The following ATAD2B variants were observed in gnomAD, a reference collection of about 807,000 sequenced individuals.
The protein encoded by ATAD2B is ATPase family AAA domain containing 2B.
In ATAD2B, 40 loss-of-function variants were observed where a neutral mutation model predicts 167.6. The observed-to-expected ratio is 0.24, with a 90% CI of 0.19 to 0.31. The LOEUF is 0.31. ATAD2B is among the 10% of genes least tolerant of loss of function. The pLI, the probability that ATAD2B is intolerant of heterozygous loss-of-function variation, is 1.00. For synonymous variants in ATAD2B, 579 were observed against 596.5 expected (o/e 0.97, Z 0.43); for missense variants, 1,242 against 1,757.2 (o/e 0.71, Z 5.24).
At chr2:23,824,221 T>A (rs909194784) in intron 15 of ATAD2B, among the ~76,000 whole-genome samples, 1 of 152,124 alleles carries the variant, frequency 6.6e-6, no homozygotes, top group Non-Finnish European at 1.5e-5. Flanking sequence ...CTCAGCACCC[T>A]CAAGTGCTGG....
intron 13 of ATAD2B, among the ~76,000 whole-genome samples, chr2:23,836,594 C>A (rs1029736951): frequency 3.3e-5 from 5 of 152,176 alleles, no homozygotes; most frequent in African/African-American, 1.2e-4. Context: ...CGAAGAAGAG[C>A]TTTATTGAGT....
At chr2:23,889,682 G>A (rs1699191299) in intron 2 of ATAD2B, among the ~76,000 whole-genome samples, 1 of 151,910 alleles carries the variant, frequency 6.6e-6, no homozygotes, top group Non-Finnish European at 1.5e-5. Flanking sequence ...CACTTTGAGA[G>A]GCCGAGGCAG....
At chr2:23,723,097 GC>G in the ATAD2B span, among the ~76,000 whole-genome samples, 2 of 152,148 alleles carry the variant, frequency 1.3e-5, no homozygotes, top group Non-Finnish European at 2.9e-5. Flanking sequence ...TTTGAGACAA[GC>G]CTGGGCAACA....
chr2:23,778,264 C>T (rs1287333948), intron 22 of ATAD2B, among the ~76,000 whole-genome samples: 5 of 152,126 alleles, frequency 3.3e-5, no homozygotes, highest in South Asian at 4.1e-4. Context: ...TGTGGAACTG[C>T]ATTTTGTAGT....
At chr2:23,780,743 T>C (rs1679897677) in intron 22 of ATAD2B, among the ~76,000 whole-genome samples, 1 of 151,832 alleles carries the variant, frequency 6.6e-6, no homozygotes, top group Admixed American at 6.6e-5. Flanking sequence ...CTACTAAAAA[T>C]GCAAAAATTA....
intron 19 of ATAD2B, among the ~76,000 whole-genome samples, chr2:23,792,911 C>T (rs553394063): frequency 2.5e-5 from 3 of 121,168 alleles, no homozygotes; most frequent in African/African-American, 9.5e-5. Flanking sequence ...TGCAGTGAGC[C>T]GAGATTGTGC....
At chr2:23,813,696 G>A (rs1685988995) in intron 17 of ATAD2B, among the ~76,000 whole-genome samples, 1 of 152,102 alleles carries the variant, frequency 6.6e-6, no homozygotes, top group Admixed American at 6.6e-5. Context: ...AGTGAGCCAT[G>A]ATGGTGCCAC....
At chr2:23,701,772 C>T in the ATAD2B span, among the ~76,000 whole-genome samples, 9 of 148,064 alleles carry the variant, frequency 6.1e-5, no homozygotes, top group Admixed American at 2.0e-4. Flanking sequence ...CCTTTAGCTT[C>T]GCACACATGG....
At chr2:23,743,887 A>G (rs1293986274), downstream of ATAD2B, among the ~76,000 whole-genome samples, 1 of 152,130 alleles carries the variant, frequency 6.6e-6, no homozygotes, top group African/African-American at 2.4e-5. Flanking sequence ...CAGCCTCCCA[A>G]AATGCTGGGA....
chr2:23,915,655 G>C (rs1174937195), intron 1 of ATAD2B, among the ~76,000 whole-genome samples: 2 of 137,918 alleles, frequency 1.5e-5, no homozygotes, highest in African/African-American at 5.3e-5. Flanking sequence ...ACAGTGGCGC[G>C]ATCTCAGCTC....
chr2:23,854,206 C>T (rs1421940595), intron 13 of ATAD2B, among the ~76,000 whole-genome samples: 1 of 151,844 alleles, frequency 6.6e-6, no homozygotes, highest in Non-Finnish European at 1.5e-5. Context: ...GATCGCGCGA[C>T]TGCACTCCAG....
chr2:23,904,414 A>C (rs1156474636), intron 1 of ATAD2B, among the ~76,000 whole-genome samples: 8 of 152,158 alleles, frequency 5.3e-5, no homozygotes. Flanking sequence ...GGTGGAAAAC[A>C]CTAGGTGAAT....
At chr2:23,762,404 G>T in intron 23 of ATAD2B, 58 bp from the exon 24 acceptor site, 7 of 1,508,238 alleles carry the variant, frequency 4.6e-6, no homozygotes, top group East Asian at 2.4e-5. Flanking sequence ...TAAACCAAAA[G>T]GTTTTTAAAA....
chr2:23,757,502 G>C lies in ATAD2B; in HGVS notation c.3994C>G (p.Leu1332Val), dbSNP rs201513700. The change falls in exon 25 of 28, where the codon CTA (leucine) becomes GTA (valine). Residue 1332 changes from leucine to valine, a missense_variant. Leu to Val is a conservative substitution (Grantham distance 32, BLOSUM62 1). This residue lies in a region of ATAD2B where 282 missense variants were observed against 346.8 expected (regional missense o/e 0.81). Transcript: ENST00000238789. ...TENHGDDLEK[L>V]EALECSNNEK... ...TTATTGCTACATTCCAGTGCCTCTA[G>C]TTTCTCAAGATCATCTCCATGATTT... is the stretch of plus-strand genomic sequence containing the variant. The C allele has an allele frequency of 4.7e-5, 73 of 1,568,428 alleles. No homozygotes were observed. The highest frequency in any genetic ancestry group is 5.8e-5 in the Non-Finnish European group (67 of 1,162,346).
chr2:23,926,317 C>A (rs1421241728), intron 1 of ATAD2B, among the ~76,000 whole-genome samples: 5 of 152,230 alleles, frequency 3.3e-5, no homozygotes, highest in Non-Finnish European at 5.9e-5. Context: ...CCCCAAAGCC[C>A]TCTCCCCTGG....
the ATAD2B span, chr2:23,703,261 G>A: frequency 6.5e-7 from 1 of 1,547,986 alleles, no homozygotes; most frequent in South Asian, 1.2e-5. Flanking sequence ...CAGCCACAGT[G>A]TGTGGCGGCA....
In ATAD2B at chr2:23,754,154, T is replaced by C. The variant is rs763488373; in HGVS notation, c.4335+25A>G. On this transcript the variant is annotated intron_variant, in intron 27 of 27. Transcript: ENST00000238789. ...ACAAGTAAAATCAAGTATTTGTTTA[T>C]TCTACAGATAAACTAAACACTTACC... The C allele has an allele frequency of 1.4e-5, 21 of 1,471,554 alleles. No homozygotes were observed. In the South Asian group the frequency reaches 2.3e-4, roughly 16 times the overall value. The allele number at this position is 1,471,554 out of a possible 1,614,324, so 91.2% of individuals were successfully genotyped here. A position where few individuals can be genotyped will look rare whatever the true frequency, so the allele number is the denominator to read the frequency against.
the ATAD2B span, among the ~76,000 whole-genome samples, chr2:23,684,071 A>C: frequency 1.3e-5 from 2 of 152,096 alleles, no homozygotes; most frequent in Non-Finnish European, 2.9e-5. The surrounding 1 kb of genome is among the most constrained non-coding windows in gnomAD (Gnocchi z 4.4). Flanking sequence ...TGTCTGTGAT[A>C]ATGTATTCTC....
chr2:23,903,541 C>T (rs1205105590), intron 1 of ATAD2B, among the ~76,000 whole-genome samples: 1 of 152,114 alleles, frequency 6.6e-6, no homozygotes, highest in East Asian at 1.9e-4. Context: ...TTAAACCATA[C>T]TCATCAGCTA....
Sources: gnomAD v4.1 joint callset for allele counts (sites outside exome capture counted in the v4.1 genomes callset) on GRCh38, gnomAD v4.1.1 for gene constraint, gnomAD v4.1.1 regional missense constraint, Gnocchi (gnomAD v3.1) non-coding constraint, MANE v1.5 for transcripts, NCBI Gene and HGNC (gene_info 2026-07-23, HGNC 2026-07-21) for gene names.